The following RALY variants were observed in gnomAD, a reference collection of about 807,000 sequenced individuals.
RALY encodes the protein RNA-binding protein Raly.
A neutral mutation model predicts 30.7 loss-of-function variants in RALY; 15 were observed. The observed-to-expected ratio is 0.49, with a 90% CI of 0.33 to 0.75. The LOEUF (loss-of-function observed/expected upper bound fraction) is 0.75, where lower values mean the gene tolerates loss of function less well. Ranked by LOEUF, RALY falls within the 30% of genes least tolerant of loss-of-function variation. The pLI, the probability that RALY is intolerant of heterozygous loss-of-function variation, is 0.02. For missense variants in RALY, 339 were observed against 414.3 expected, an observed-to-expected ratio of 0.82 and a Z score of 1.58; for synonymous variants, 177 against 170.8, an observed-to-expected ratio of 1.04 and a Z score of -0.28.
At position 34,055,751 on chromosome 20, in the gene RALY, A is replaced by G. The variant is rs546627375; in HGVS notation, c.-9-16315A>G. 1.4e-4 allele frequency among the ~76,000 whole-genome samples: 21 copies of G among 152,348 alleles called. No homozygotes were observed. The East Asian group carries it at 4.0e-3, about 29-fold the overall frequency. ...ATGCCTTGCTATTATATTGATTGTT[A>G]AAATAATAAACTTGTTAATATCTTT... is the stretch of plus-strand genomic sequence containing the variant. On this transcript the variant is annotated intron_variant, in intron 2 of 9. Coordinates refer to ENST00000246194, the MANE Select transcript of RALY (RefSeq NM_016732.3).
At chr20:34,004,261 C>A (rs984903987) in intron 1 of RALY, among the ~76,000 whole-genome samples, 4 of 152,156 alleles carry the variant, frequency 2.6e-5, no homozygotes, top group African/African-American at 9.7e-5. Flanking sequence ...AGGATAATGA[C>A]CATCTGTTGT....
In RALY at chr20:34,073,552, C is replaced by T; in HGVS notation, c.257-11C>T. On this transcript the variant is annotated splice_polypyrimidine_tract_variant and intron_variant, in intron 3 of 9. Coordinates refer to ENST00000246194, the MANE Select transcript of RALY (RefSeq NM_016732.3). ...GTTAGCATTCCAACTCTGCCTTCTC[C>T]CTCCACACAGACATCAACATGGCTG... 1 of 1,577,500 alleles carries T rather than the reference C, an allele frequency of 6.3e-7. No homozygotes were observed.
At chr20:33,998,654 C>T (rs1255879614) in intron 1 of RALY, among the ~76,000 whole-genome samples, 1 of 151,942 alleles carries the variant, frequency 6.6e-6, no homozygotes, top group Non-Finnish European at 1.5e-5. Flanking sequence ...GGACTTCATC[C>T]GGAGGTGAGG....
intron 2 of RALY, among the ~76,000 whole-genome samples, chr20:34,048,895 TTCTA>T (rs2032981895): frequency 6.6e-6 from 1 of 151,922 alleles, no homozygotes; most frequent in Non-Finnish European, 1.5e-5. Flanking sequence ...ACCTTTGGAT[TTCTA>T]CACCCAGTGT....
Position 34,055,306 on chromosome 20 carries a change from A to G in RALY, c.-9-16760A>G, listed in dbSNP as rs529853116. Among the ~76,000 whole-genome samples the G allele has an allele frequency of 6.5e-4, 99 of 152,346 alleles. 1 individual carries two copies. Among genetic ancestry groups the G allele is most frequent in the African/African-American group, 2.3e-3 (96 of 41,570 alleles). Reference sequence around the variant, plus strand: ...TAAGCAATTAATATAATGATCATTTATATTACATTCTTTCCTAAATGCTGG... The same window carrying G: ...TAAGCAATTAATATAATGATCATTTGTATTACATTCTTTCCTAAATGCTGG... On this transcript the variant is annotated intron_variant, in intron 2 of 9. Coordinates refer to ENST00000246194, the MANE Select transcript of RALY (RefSeq NM_016732.3).
At chr20:34,055,296 A>C (rs2033207315) in intron 2 of RALY, among the ~76,000 whole-genome samples, 1 of 152,214 alleles carries the variant, frequency 6.6e-6, no homozygotes, top group East Asian at 1.9e-4. Context: ...AATTAATATA[A>C]TGATCATTTA....
At chr20:34,008,101 A>G (rs1422956121) in intron 1 of RALY, among the ~76,000 whole-genome samples, 1 of 152,134 alleles carries the variant, frequency 6.6e-6, no homozygotes, top group Non-Finnish European at 1.5e-5. Context: ...GTTGCCTGGT[A>G]CCTTTTCCTA....
intron 2 of RALY, among the ~76,000 whole-genome samples, chr20:34,045,273 T>A (rs1158159743): frequency 6.6e-6 from 1 of 152,212 alleles, no homozygotes; most frequent in African/African-American, 2.4e-5. Context: ...TATGTAATTC[T>A]ATATGCATTA....
At chr20:34,076,553 A>G (rs2033882774) in intron 6 of RALY, 149 bp from the exon 7 acceptor site, 2 of 658,276 alleles carry the variant, frequency 3.0e-6, no homozygotes, top group Admixed American at 2.9e-5. Context: ...CAGGTAGTCT[A>G]AGGAGGAGAC....
At chr20:34,073,478 G>A in intron 3 of RALY, 85 bp from the exon 4 acceptor site, 1 of 1,273,774 alleles carries the variant, frequency 7.9e-7, no homozygotes, top group Non-Finnish European at 1.1e-6. Context: ...GTAAGCACAT[G>A]AATTGCTGTG....
intron 5 of RALY, 35 bp downstream of exon 5, chr20:34,073,901 A>G (rs2033801878): frequency 6.2e-7 from 1 of 1,603,112 alleles, no homozygotes; most frequent in Non-Finnish European, 8.5e-7. Context: ...GGCATGAAAC[A>G]GCCAAGCTGG....
chr20:34,012,044 C>T (rs181622755), intron 1 of RALY, among the ~76,000 whole-genome samples: 1 of 148,142 alleles, frequency 6.8e-6, no homozygotes, highest in Admixed American at 6.7e-5. Context: ...TCAGCCTGGG[C>T]GACAGAGTGA....
intron 2 of RALY, among the ~76,000 whole-genome samples, chr20:34,034,948 C>G (rs1375422507): frequency 6.6e-6 from 1 of 151,852 alleles, no homozygotes; most frequent in African/African-American, 2.4e-5. Flanking sequence ...GTCAGGAGAT[C>G]GAGACCATCC....
chr20:34,043,086 G>A (rs1022175275), intron 2 of RALY, among the ~76,000 whole-genome samples: 3 of 152,232 alleles, frequency 2.0e-5, no homozygotes, highest in African/African-American at 7.2e-5. Context: ...TCTTTACTAA[G>A]GTTTCTGCAG....
At chr20:34,003,246 T>G (rs1263517265) in intron 1 of RALY, among the ~76,000 whole-genome samples, 1 of 152,184 alleles carries the variant, frequency 6.6e-6, no homozygotes, top group Non-Finnish European at 1.5e-5. Context: ...CTCTTTGAAG[T>G]TCCATTTTCT....
intron 1 of RALY, among the ~76,000 whole-genome samples, chr20:34,031,211 ATTT>A (rs11297874): frequency 1.2e-3 from 135 of 110,848 alleles, no homozygotes; most frequent in African/African-American, 4.0e-3. Flanking sequence ...TGCCTGGCTA[ATTT>A]TTTTTTTTTT....
At chr20:34,009,563 C>T (rs2031310083) in intron 1 of RALY, among the ~76,000 whole-genome samples, 1 of 152,180 alleles carries the variant, frequency 6.6e-6, no homozygotes, top group South Asian at 2.1e-4. Flanking sequence ...TATTGTGACT[C>T]CTTGTACACT....
intron 2 of RALY, among the ~76,000 whole-genome samples, chr20:34,043,802 A>C (rs951869750): frequency 6.6e-6 from 1 of 152,186 alleles, no homozygotes; most frequent in Non-Finnish European, 1.5e-5. Flanking sequence ...CTTAGGAATA[A>C]GGAGTAGCCA....
chr20:34,062,897 G>A (rs1458687843), intron 2 of RALY, among the ~76,000 whole-genome samples: 1 of 152,256 alleles, frequency 6.6e-6, no homozygotes, highest in African/African-American at 2.4e-5. Context: ...CTCACAGCAA[G>A]TGCTGATTGG....
Sources: allele counts gnomAD v4.1 joint callset (sites outside exome capture counted in the v4.1 genomes callset), GRCh38; gene constraint gnomAD v4.1.1; transcripts MANE v1.5; gene names NCBI Gene and HGNC (gene_info 2026-07-23, HGNC 2026-07-21).